The following BTN3A1 variants were observed in gnomAD, a reference collection of about 807,000 sequenced individuals.
BTN3A1 encodes the protein dJ45P21.3 (butyrophilin, subfamily 3, member A1).
Under a neutral mutation model 43.0 loss-of-function variants are expected in BTN3A1, and 24 were observed. That is an observed-to-expected ratio of 0.56 (90% CI 0.40 to 0.78). The LOEUF is 0.78. BTN3A1 is among the 30% of genes least tolerant of loss of function. BTN3A1 has a pLI of 0.00. For synonymous variants in BTN3A1, 181 were observed against 234.7 expected, an observed-to-expected ratio of 0.77 and a Z score of 2.09; for missense variants, 533 against 626.2, an observed-to-expected ratio of 0.85 and a Z score of 1.59.
chr6:26,411,554 G>T lies in BTN3A1; in HGVS notation c.992-1G>T. ...CCTTATCTGTGTCTCCTTCCTTTCA[G>T]AATGGAAAAAGGCCCTCTTCAAGCC... On this transcript the variant is annotated splice_acceptor_variant, in intron 8 of 9. Coordinates refer to ENST00000289361, the MANE Select transcript of BTN3A1 (RefSeq NM_007048.6). LOFTEE classifies it high-confidence loss of function. 3 of 1,613,554 alleles carry T rather than the reference G, an allele frequency of 1.9e-6. No individual in the cohort carries two copies.
chr6:26,411,454 C>T (rs1762215098), intron 8 of BTN3A1, 101 bp from the exon 9 acceptor site: 1 of 1,421,118 alleles, frequency 7.0e-7, no homozygotes, highest in Non-Finnish European at 9.8e-7. Flanking sequence ...CTGGAAGAGA[C>T]TCTGAAGAAA....
rs1488924771 is a variant in BTN3A1, at chr6:26,412,363, A to C, written c.1018+782A>C. 5 of 735,658 alleles carry C rather than the reference A, an allele frequency of 6.8e-6. No individual in the cohort carries two copies. In the Admixed American group the frequency reaches 1.1e-4, roughly 16 times the overall value. The allele number at this position is 735,658 out of a possible 1,614,324, so 45.6% of individuals were successfully genotyped here. A position where few individuals can be genotyped will look rare whatever the true frequency, so the allele number is the denominator to read the frequency against. On this transcript the variant is annotated intron_variant, in intron 9 of 9. Transcript: ENST00000289361. ...TGCTGCTGGCAGGGAGGAAGCAGGA[A>C]ATTAAACGGTGTGTCTCTCCTTTCT...
chr6:26,411,000 T>TG, intron 7 of BTN3A1, 109 bp from the exon 8 acceptor site: 3 of 358,858 alleles, frequency 8.4e-6, no homozygotes, highest in Non-Finnish European at 1.3e-5. Flanking sequence ...ATACAGGTGG[T>TG]AAAAAAAAAA....
chr6:26,407,755 C>T lies in BTN3A1; in HGVS notation c.518C>T (p.Pro173Leu). 1.2e-6 allele frequency: 2 copies of T among 1,614,180 alleles called. No individual in the cohort carries two copies. The highest frequency in any genetic ancestry group is 2.2e-5 in the East Asian group (1 of 44,892). ...GAGTGCAGGTCCACTGGCTGGTACCCCCAACCCCAAATACAGTGGAGCAAC... is the reference window on the plus strand; with the variant it reads ...GAGTGCAGGTCCACTGGCTGGTACCTCCAACCCCAAATACAGTGGAGCAAC... ...HLECRSTGWY[P>L]QPQIQWSNNK... is the part of the protein sequence containing the mutation. The change falls in exon 4 of 10, where the codon CCC becomes CTC. Residue 173 changes from proline (P) to leucine (L), a missense_variant. Around this residue, in one of 4 missense-constraint regions of BTN3A1, gnomAD observed 415 missense variants for 427.0 expected, o/e 0.97. Coordinates refer to ENST00000289361, the MANE Select transcript of BTN3A1 (RefSeq NM_007048.6).
chr6:26,414,008 C>A lies in BTN3A1; in HGVS notation c.*316C>A, dbSNP rs1223857538. The A allele has an allele frequency of 4.6e-5, 18 of 390,118 alleles. No individual in the cohort carries two copies. The highest frequency in any genetic ancestry group is 7.2e-5 in the Non-Finnish European group (15 of 208,280). 24.2% of individuals were successfully genotyped at this position (390,118 alleles called of 1,614,324 possible). ...GGGGTGCAGAAAAGTGAATTGACTA[C>A]AAAGTAGACATGACTAGTTAACAAC... On this transcript the variant is annotated 3_prime_UTR_variant, in exon 10 of 10. Transcript: ENST00000289361.
At chr6:26,411,682 T>G in intron 9 of BTN3A1, 101 bp downstream of exon 9, 2 of 1,418,954 alleles carry the variant, frequency 1.4e-6, no homozygotes, top group Non-Finnish European at 1.9e-6. Context: ...GAAGAAAAGC[T>G]CCCATGACTA....
At chr6:26,409,477 A>C in intron 4 of BTN3A1, 56 bp from the exon 5 acceptor site, 1 of 1,544,168 alleles carries the variant, frequency 6.5e-7, no homozygotes, top group Non-Finnish European at 8.9e-7. Context: ...GGGGCGCTGC[A>C]GTCTGGGGAG....
intron 8 of BTN3A1, 115 bp from the exon 9 acceptor site, chr6:26,411,440 G>A: frequency 7.5e-7 from 1 of 1,324,556 alleles, no homozygotes; most frequent in East Asian, 2.3e-5. Flanking sequence ...AGGGAGGCTG[G>A]ACCCTGGAAG....
intron 1 of BTN3A1, 56 bp from the exon 2 acceptor site, chr6:26,405,316 T>G: frequency 1.7e-6 from 1 of 583,796 alleles, no homozygotes; most frequent in Non-Finnish European, 3.1e-6. Context: ...AACAGTACAG[T>G]GAGGATTTTC....
chr6:26,413,612 G>T lies in BTN3A1; in HGVS notation c.1462G>T (p.Val488Phe), dbSNP rs144592497. 143 of 1,614,110 alleles carry T rather than the reference G, an allele frequency of 8.9e-5. 1 individual carries two copies. In the East Asian group the frequency reaches 1.6e-3, roughly 18 times the overall value. The change falls in exon 10 of 10, where the codon GTC (valine) becomes TTC (phenylalanine). Residue 488 changes from valine to phenylalanine, a missense_variant. Coordinates refer to ENST00000289361, the MANE Select transcript of BTN3A1 (RefSeq NM_007048.6). ...DGSHIHTFLDVSFSEALYPVF... is the reference protein window; with the variant it reads ...DGSHIHTFLDFSFSEALYPVF... ...ATCGCATATTCATACTTTCCTGGAC[G>T]TCTCCTTCTCTGAGGCTCTATATCC... is the stretch of plus-strand genomic sequence containing the variant.
Position 26,413,380 on chromosome 6 carries a change from G to T in BTN3A1, c.1230G>T (p.Gly410=), listed in dbSNP as rs1762286478. The T allele has an allele frequency of 1.9e-6, 3 of 1,613,944 alleles. No individual in the cohort carries two copies. The highest frequency in any genetic ancestry group is 1.6e-4 in the Middle Eastern group (1 of 6,084). The change falls in exon 10 of 10, where the codon GGG becomes GGT. Residue 410 remains glycine (G), a synonymous_variant. Coordinates refer to ENST00000289361, the MANE Select transcript of BTN3A1 (RefSeq NM_007048.6). ...EVGDRKEWHI[G]VCSKNVQRKG... is the part of the protein sequence containing the mutation. ...GGGACAGGAAAGAGTGGCATATAGGGGTGTGCAGTAAGAATGTGCAGAGAA... is the reference window on the plus strand; with the variant it reads ...GGGACAGGAAAGAGTGGCATATAGGTGTGTGCAGTAAGAATGTGCAGAGAA...
chr6:26,411,659 G>A, intron 9 of BTN3A1, 78 bp downstream of exon 9: 1 of 1,518,634 alleles, frequency 6.6e-7, no homozygotes, highest in Admixed American at 2.0e-5. Flanking sequence ...TTCTCCAACT[G>A]TTGTGATTTG....
chr6:26,406,131 G>A lies in BTN3A1; in HGVS notation c.308G>A (p.Gly103Asp). The change falls in exon 3 of 10, where the codon GGC (glycine) becomes GAC (aspartate). Residue 103 changes from glycine (G) to aspartate (D), a missense_variant. By Grantham distance (94) the Gly-to-Asp change is moderately conservative (BLOSUM62 -1). This residue lies in a region of BTN3A1 where 51 missense variants were observed against 90.9 expected (regional missense o/e 0.56). Transcript: ENST00000289361. ...GGGAGAACTTCGATTCTGCGGGATG[G>A]CATCACTGCAGGGAAGGCTGCTCTC... ...YRGRTSILRD[G>D]ITAGKAALRI... is the part of the protein sequence containing the mutation. 1 of 1,560,180 alleles carries A rather than the reference G, an allele frequency of 6.4e-7. No homozygotes were observed. The highest frequency in any genetic ancestry group is 8.7e-7 in the Non-Finnish European group (1 of 1,143,828).
At chr6:26,409,448 G>C (rs550780120) in intron 4 of BTN3A1, 85 bp from the exon 5 acceptor site, 21 of 1,272,890 alleles carry the variant, frequency 1.6e-5, no homozygotes, top group South Asian at 1.2e-4. Context: ...CTGTGACCTG[G>C]GGTGAGCAGC....
In BTN3A1 at chr6:26,405,996, T is replaced by C; in HGVS notation, c.173T>C (p.Met58Thr). Residue 58 changes from methionine to threonine, a missense_variant, in exon 3 of 10, where the codon ATG becomes ACG. By Grantham distance (81) the Met-to-Thr change is moderately conservative (BLOSUM62 -1). Coordinates refer to ENST00000289361, the MANE Select transcript of BTN3A1 (RefSeq NM_007048.6). ...ADLPCHLFPT[M>T]SAETMELKWV... The stretch of plus-strand genomic sequence containing the variant: ...CTGCCCTGTCACCTGTTCCCGACCA[T>C]GAGTGCAGAGACCATGGAGCTGAAG... 1.2e-6 allele frequency: 2 copies of C among 1,611,614 alleles called. No individual in the cohort carries two copies. Among genetic ancestry groups the C allele is most frequent in the South Asian group, 1.1e-5 (1 of 90,878 alleles).
At chr6:26,411,612 A>G in intron 9 of BTN3A1, 31 bp downstream of exon 9, 1 of 1,606,328 alleles carries the variant, frequency 6.2e-7, no homozygotes, top group African/African-American at 1.3e-5. Flanking sequence ...TCCCTGGACC[A>G]ACAACCTGAG....
Position 26,409,517 on chromosome 6 carries a change from G to A in BTN3A1, c.716-16G>A. 6.2e-7 allele frequency: 1 copy of A among 1,612,616 alleles called. No homozygotes were observed. The highest frequency in any genetic ancestry group is 8.5e-7 in the Non-Finnish European group (1 of 1,179,866). Reference sequence around the variant, plus strand: ...AGTGCACCGGCCCCCATGACCCACAGCCGTTGCCTTCACAGACCCCTTCTT... The same window carrying A: ...AGTGCACCGGCCCCCATGACCCACAACCGTTGCCTTCACAGACCCCTTCTT... On this transcript the variant is annotated splice_polypyrimidine_tract_variant and intron_variant, in intron 4 of 9. Transcript: ENST00000289361.
rs376287137 is a variant in BTN3A1, at chr6:26,409,697, G to C, written c.880G>C (p.Ala294Pro). The part of the protein sequence containing the change: ...KKREQELREM[A>P]WSTMKQEQST... ...GAGAGAGCAAGAGTTGAGAGAAATGGCATGGAGCACAATGAAGCAAGAACA... is the reference window on the plus strand; with the variant it reads ...GAGAGAGCAAGAGTTGAGAGAAATGCCATGGAGCACAATGAAGCAAGAACA... The change falls in exon 5 of 10, where the codon GCA (alanine) becomes CCA (proline). Residue 294 changes from alanine to proline, a missense_variant. Coordinates refer to ENST00000289361, the MANE Select transcript of BTN3A1 (RefSeq NM_007048.6). 7 of 1,584,200 alleles carry C rather than the reference G, an allele frequency of 4.4e-6. No homozygotes were observed. The highest frequency in any genetic ancestry group is 3.4e-4 in the Middle Eastern group (2 of 5,876).
intron 9 of BTN3A1, chr6:26,412,128 C>T (rs766379909): frequency 5.3e-5 from 18 of 337,296 alleles, no homozygotes; most frequent in Admixed American, 2.7e-4. Context: ...GTTCAAACTG[C>T]GTGGTTGAAG....
Sources: gnomAD v4.1 joint callset for allele counts on GRCh38, gnomAD v4.1.1 for gene constraint, gnomAD v4.1.1 regional missense constraint, MANE v1.5 for transcripts, NCBI Gene and HGNC (gene_info 2026-07-23, HGNC 2026-07-21) for gene names.